The following NEDD4L variants were observed in gnomAD, a reference collection of about 807,000 sequenced individuals.
The protein encoded by NEDD4L is NEDD4 like E3 ubiquitin protein ligase.
A neutral mutation model predicts 148.9 loss-of-function variants in NEDD4L; 54 were observed. That is an observed-to-expected ratio of 0.36 (90% CI 0.29 to 0.45). The LOEUF is 0.45. Among genes scored for constraint, NEDD4L ranks in the 20% least tolerant of loss-of-function variants. The pLI, the probability that NEDD4L is intolerant of heterozygous loss-of-function variation, is 1.00. For synonymous variants in NEDD4L, 433 were observed against 440.7 expected (o/e 0.98, Z 0.22); for missense variants, 856 against 1,233.8 (o/e 0.69, Z 4.59).
chr18:58,060,310 A>G (rs534097110), intron 1 of NEDD4L, among the ~76,000 whole-genome samples: 1 of 152,222 alleles, frequency 6.6e-6, no homozygotes, highest in East Asian at 1.9e-4. Context: ...TCTTATTAGT[A>G]AGTATGTTGC....
At chr18:58,255,985 T>C in intron 5 of NEDD4L, 2 of 1,230,624 alleles carry the variant, frequency 1.6e-6, no homozygotes, top group Non-Finnish European at 2.0e-6. Context: ...GCGCCGACGA[T>C]GGGCCTCCAT....
rs544028103 is a variant in NEDD4L, at chr18:58,122,156, C to G, written c.49-43632C>G. Among the ~76,000 whole-genome samples, 16 of 152,280 alleles carry G rather than the reference C, an allele frequency of 1.1e-4. No homozygotes were observed. The South Asian group carries it at 3.3e-3, about 32-fold the overall frequency. ...TGGGGTGGAAGTGATGGTTTTGTGC[C>G]CACAACCTGATGGCAGGGTTGGCAG... On this transcript the variant is annotated intron_variant, in intron 1 of 30. Transcript: ENST00000400345.
In NEDD4L at chr18:58,256,173, G is replaced by A. The variant is rs6566956; in HGVS notation, c.297+4119G>A. On this transcript the variant is annotated intron_variant, in intron 5 of 30. Transcript: ENST00000400345. The surrounding 1 kb of genome is among the most constrained non-coding windows in gnomAD (Gnocchi z 5.2). ...TGCGGCCGCCGCGTGCGGTGCTCCG[G>A]CCCCGTGGACTGCGCGGAGGAGGCT... 0.2 allele frequency: 240,511 copies of A among 1,217,330 alleles called. 24,979 individuals carry two copies. The highest frequency in any genetic ancestry group is 0.21 in the Non-Finnish European group (208,562 of 978,968). 75.4% of individuals were successfully genotyped at this position (1,217,330 alleles called of 1,614,324 possible). A position where few individuals can be genotyped will look rare whatever the true frequency, so the allele number is the denominator to read the frequency against.
intron 1 of NEDD4L, among the ~76,000 whole-genome samples, chr18:58,152,972 C>T (rs2034982734): frequency 6.6e-6 from 1 of 152,172 alleles, no homozygotes; most frequent in Non-Finnish European, 1.5e-5. Context: ...TGACAGCCAC[C>T]TATGGGGTGG....
chr18:58,136,316 A>G (rs574102225), intron 1 of NEDD4L, among the ~76,000 whole-genome samples: 2 of 152,280 alleles, frequency 1.3e-5, no homozygotes, highest in Non-Finnish European at 1.5e-5. Flanking sequence ...GAGATCATCT[A>G]TTTGATTTAG....
intron 6 of NEDD4L, among the ~76,000 whole-genome samples, chr18:58,320,485 A>G (rs1601190352): frequency 6.6e-6 from 1 of 152,314 alleles, no homozygotes; most frequent in East Asian, 1.9e-4. Context: ...ACCATGTTGT[A>G]TCCACATGTC....
intron 1 of NEDD4L, among the ~76,000 whole-genome samples, chr18:58,085,524 A>G (rs2083715949): frequency 6.6e-6 from 1 of 152,212 alleles, no homozygotes; most frequent in Non-Finnish European, 1.5e-5. Flanking sequence ...CAAGGGAAGT[A>G]AAAGGATTGG....
At chr18:58,372,865 G>A (rs979127058) in intron 23 of NEDD4L, among the ~76,000 whole-genome samples, 3 of 149,938 alleles carry the variant, frequency 2.0e-5, no homozygotes, top group African/African-American at 7.3e-5. Flanking sequence ...AGAAAAGAAA[G>A]TATACTTATG....
At chr18:58,114,515 G>A (rs923733983) in intron 1 of NEDD4L, among the ~76,000 whole-genome samples, 4 of 152,284 alleles carry the variant, frequency 2.6e-5, no homozygotes, top group Admixed American at 2.6e-4. Flanking sequence ...TTATGTCTTT[G>A]TATAGTACTT....
chr18:58,129,061 A>C (rs1200299100), intron 1 of NEDD4L, among the ~76,000 whole-genome samples: 2 of 152,216 alleles, frequency 1.3e-5, no homozygotes, highest in African/African-American at 4.8e-5. Flanking sequence ...CACGCATTTG[A>C]GATTAAAATA....
chr18:58,090,895 G>T (rs145662622), intron 1 of NEDD4L: 1 of 152,202 alleles, frequency 6.6e-6, no homozygotes, highest in African/African-American at 2.4e-5. Context: ...AGTAGACTTA[G>T]CTTGGATGAG....
intron 2 of NEDD4L, among the ~76,000 whole-genome samples, chr18:58,192,032 G>A (rs2040177095): frequency 6.6e-6 from 1 of 152,190 alleles, no homozygotes; most frequent in Non-Finnish European, 1.5e-5. Context: ...TTAGCCTGGT[G>A]TGGTGGCATG....
chr18:58,248,554 G>C (rs2047543895), intron 3 of NEDD4L, among the ~76,000 whole-genome samples: 2 of 152,076 alleles, frequency 1.3e-5, no homozygotes, highest in South Asian at 4.2e-4. Context: ...GCAGGGAGAG[G>C]GAAGTCAACA....
At position 58,348,726 on chromosome 18, in the gene NEDD4L, A is replaced by G. The variant is rs149117850; in HGVS notation, c.1576-811A>G. Among the ~76,000 whole-genome samples the G allele has an allele frequency of 2.5e-3, 379 of 152,248 alleles. 6 individuals are homozygous for G. The highest frequency in any genetic ancestry group is 8.6e-3 in the African/African-American group (356 of 41,526). On this transcript the variant is annotated intron_variant, in intron 16 of 30. Transcript: ENST00000400345. ...GAAACTCCATTTCCTCATCTAAAGA[A>G]ACAGACCATGTGCCCAACCTCCTAC... is the stretch of plus-strand genomic sequence containing the variant.
chr18:58,232,891 G>T (rs141441307), intron 2 of NEDD4L, among the ~76,000 whole-genome samples: 21 of 152,284 alleles, frequency 1.4e-4, no homozygotes, highest in South Asian at 1.0e-3. Context: ...ACAGGTAGGC[G>T]TGTGTTTTGG....
At chr18:58,214,999 AC>A (rs536803803) in intron 2 of NEDD4L, among the ~76,000 whole-genome samples, 1 of 151,902 alleles carries the variant, frequency 6.6e-6, no homozygotes, top group East Asian at 1.9e-4. Flanking sequence ...TTTAGTAGAG[AC>A]AGGGTTTCAC....
chr18:58,364,590 G>C (rs959943339), intron 20 of NEDD4L, among the ~76,000 whole-genome samples: 1 of 152,070 alleles, frequency 6.6e-6, no homozygotes, highest in African/African-American at 2.4e-5. Context: ...AAAAAGACAG[G>C]AATGATTTTT....
Position 58,349,712 on chromosome 18 carries a change from G to T in NEDD4L, c.1653+98G>T, listed in dbSNP as rs972242627. The T allele has an allele frequency of 4.4e-6, 4 of 913,394 alleles. No homozygotes were observed. In the African/African-American group the frequency reaches 5.0e-5, roughly 11 times the overall value. The allele number at this position is 913,394 out of a possible 1,614,324, so 56.6% of individuals were successfully genotyped here. A position where few individuals can be genotyped will look rare whatever the true frequency, so the allele number is the denominator to read the frequency against. On this transcript the variant is annotated intron_variant, in intron 17 of 30. Transcript: ENST00000400345. ...GCCCTGTGGACCTTCTCTATCTCCAGGCTTTGTGGATCTCATTGGTTTGTG... is the reference window on the plus strand; with the variant it reads ...GCCCTGTGGACCTTCTCTATCTCCATGCTTTGTGGATCTCATTGGTTTGTG...
At chr18:58,272,096 ACTTTC>A (rs2051129040) in intron 5 of NEDD4L, among the ~76,000 whole-genome samples, 1 of 152,190 alleles carries the variant, frequency 6.6e-6, no homozygotes, top group South Asian at 2.1e-4. Context: ...TCCACGTTAG[ACTTTC>A]CTTATACTTT....
Sources: gnomAD v4.1 joint callset for allele counts (sites outside exome capture counted in the v4.1 genomes callset) on GRCh38, gnomAD v4.1.1 for gene constraint, Gnocchi (gnomAD v3.1) non-coding constraint, MANE v1.5 for transcripts, NCBI Gene and HGNC (gene_info 2026-07-23, HGNC 2026-07-21) for gene names.